The following SPATA31A6 variants were observed in gnomAD, a reference collection of about 807,000 sequenced individuals.
SPATA31A6 encodes the protein SPATA31 subfamily A member 6.
In SPATA31A6, 9 loss-of-function variants were observed where a neutral mutation model predicts 11.9. The ratio of observed to expected loss-of-function variants is 0.76; its 90% CI spans 0.46 to 1.32. SPATA31A6 has a LOEUF of 1.32. Ranked by LOEUF, SPATA31A6 falls within the 40% of genes most tolerant of loss-of-function variation. SPATA31A6 has a pLI of 0.00. For missense variants in SPATA31A6, 855 were observed against 1,467.3 expected (o/e 0.58, Z 6.82); for synonymous variants, 314 against 572.1 (o/e 0.55, Z 6.44).
In SPATA31A6 at chr9:42,183,808, C is replaced by G. The variant is rs2998523; in HGVS notation, c.121C>G (p.Leu41Val). Residue 41 changes from leucine (L) to valine (V), a missense_variant, in exon 1 of 4, where the codon CTA becomes GTA. Physicochemically the swap from Leu to Val is conservative, Grantham distance 32 (BLOSUM62 1). Transcript: ENST00000332857. ...GGTGTTTGCCCTGGGGTTCTTCTTC[C>G]TATTACTCCCCTACTTATCTTACTT... ...TLVFALGFFF[L>V]LLPYLSYFHC... The G allele has an allele frequency of 6.5e-7, 1 of 1,534,626 alleles. No individual in the cohort carries two copies. The highest frequency in any genetic ancestry group is 8.8e-7 in the Non-Finnish European group (1 of 1,138,122).
chr9:42,189,324 G>A lies in SPATA31A6; in HGVS notation c.3622G>A (p.Ala1208Thr). The A allele has an allele frequency of 6.5e-7, 1 of 1,545,824 alleles. No individual in the cohort carries two copies. Residue 1208 changes from alanine (A) to threonine (T), a missense_variant, in exon 4 of 4, where the codon GCA becomes ACA. Transcript: ENST00000332857. The stretch of plus-strand genomic sequence containing the variant: ...TGCTGAAGCTCAGGGTCTCATGACG[G>A]CAGTTGGACAAATGCTGGACAAGAA... ...SSAEAQGLMT[A>T]VGQMLDKKMS... is the part of the protein sequence containing the mutation.
At position 42,185,750 on chromosome 9, in the gene SPATA31A6, G is replaced by A; in HGVS notation, c.303G>A (p.Leu101=). The A allele has an allele frequency of 8.2e-7, 1 of 1,214,996 alleles. No homozygotes were observed. Among genetic ancestry groups the A allele is most frequent in the Non-Finnish European group, 1.1e-6 (1 of 885,466 alleles). 75.3% of individuals were successfully genotyped at this position (1,214,996 alleles called of 1,614,324 possible). A position where few individuals can be genotyped will look rare whatever the true frequency, so the allele number is the denominator to read the frequency against. Residue 101 remains leucine (L), a synonymous_variant, in exon 3 of 4, where the codon CTG becomes CTA. Coordinates refer to ENST00000332857, the MANE Select transcript of SPATA31A6 (RefSeq NM_001145196.1). ...LEETSDLLSQ[L]QSLLGPHLDK... ...AGACTTCGGACCTTCTTTCACAACT[G>A]CAGAGGTGAGGCACTTCCCCTTCCC...
rs1378500474 is a variant in SPATA31A6, at chr9:42,184,226, C to T, written c.189+350C>T. Among the ~76,000 whole-genome samples, 2 of 136,554 alleles carry T rather than the reference C, an allele frequency of 1.5e-5. 1 individual carries two copies. Among genetic ancestry groups the T allele is most frequent in the Non-Finnish European group, 3.1e-5 (2 of 64,106 alleles). 89.6% of individuals were successfully genotyped at this position (136,554 alleles called of 152,430 possible). On this transcript the variant is annotated intron_variant, in intron 1 of 3. Coordinates refer to ENST00000332857, the MANE Select transcript of SPATA31A6 (RefSeq NM_001145196.1). ...ATCAGCCCCTTTCTGGGGCAGGTGGCTCAGGGCCCAGCCTCCCCTGTGTGG... is the reference window on the plus strand; with the variant it reads ...ATCAGCCCCTTTCTGGGGCAGGTGGTTCAGGGCCCAGCCTCCCCTGTGTGG...
chr9:42,184,812 G>A (rs1829415064), intron 1 of SPATA31A6, among the ~76,000 whole-genome samples: 1 of 137,540 alleles, frequency 7.3e-6, no homozygotes, highest in Non-Finnish European at 1.5e-5. Flanking sequence ...ATAGGCGTGA[G>A]CCACCACGCC....
chr9:42,189,466 G>A lies in SPATA31A6; in HGVS notation c.3764G>A (p.Gly1255Asp), dbSNP rs1829531517. 3 of 1,550,996 alleles carry A rather than the reference G, an allele frequency of 1.9e-6. No individual in the cohort carries two copies. The highest frequency in any genetic ancestry group is 2.3e-5 in the South Asian group (2 of 87,956). The change falls in exon 4 of 4, where the codon GGC (glycine) becomes GAC (aspartate). Residue 1255 changes from glycine (G) to aspartate (D), a missense_variant. Gly to Asp is a moderately conservative substitution (Grantham distance 94). Coordinates refer to ENST00000332857, the MANE Select transcript of SPATA31A6 (RefSeq NM_001145196.1). The part of the protein sequence containing the change: ...NHRHLFYSEH[G>D]RILSYAASSQ... Reference sequence around the variant, plus strand: ...AGGCACCTCTTCTACTCAGAACATGGCAGAATACTGAGCTATGCAGCCAGC... The same window carrying A: ...AGGCACCTCTTCTACTCAGAACATGACAGAATACTGAGCTATGCAGCCAGC...
chr9:42,185,567 T>C (rs2118849532), intron 2 of SPATA31A6, 128 bp from the exon 3 acceptor site: 1 of 1,131,334 alleles, frequency 8.8e-7, no homozygotes, highest in Admixed American at 2.1e-5. Context: ...GTCATGTGGC[T>C]TTGGACACAG....
chr9:42,185,013 A>G, intron 1 of SPATA31A6, 56 bp from the exon 2 acceptor site: 2 of 1,524,464 alleles, frequency 1.3e-6, no homozygotes, highest in Non-Finnish European at 8.9e-7. Context: ...CTTGTCTCCC[A>G]TTGTCATCTT....
At position 42,186,656 on chromosome 9, in the gene SPATA31A6, T is replaced by C; in HGVS notation, c.954T>C (p.Phe318=). 4.6e-6 allele frequency: 7 copies of C among 1,531,606 alleles called. 1 individual carries two copies. The highest frequency in any genetic ancestry group is 6.2e-6 in the Non-Finnish European group (7 of 1,138,122). 94.9% of individuals were successfully genotyped at this position (1,531,606 alleles called of 1,614,324 possible). ...ETCQMEAGSL[F]LLSSDGQNVV... ...GTCAGATGGAAGCTGGTAGCCTGTTTTTGCTCAGCTCTGATGGCCAGAATG... is the reference window on the plus strand; with the variant it reads ...GTCAGATGGAAGCTGGTAGCCTGTTCTTGCTCAGCTCTGATGGCCAGAATG... The change falls in exon 4 of 4, where the codon TTT becomes TTC. Residue 318 remains phenylalanine, a synonymous_variant. Transcript: ENST00000332857.
At position 42,185,052 on chromosome 9, in the gene SPATA31A6, G is replaced by A. The variant is rs555229838; in HGVS notation, c.190-17G>A. ...TCTCCGCGTCATCTTGTCTCCGTAC[G>A]TCATCATGTCTCCCAGTGTCCAGTA... On this transcript the variant is annotated splice_polypyrimidine_tract_variant and intron_variant, in intron 1 of 3. Coordinates refer to ENST00000332857, the MANE Select transcript of SPATA31A6 (RefSeq NM_001145196.1). 63 of 1,536,820 alleles carry A rather than the reference G, an allele frequency of 4.1e-5. 12 individuals carry two copies. Among genetic ancestry groups the A allele is most frequent in the South Asian group, 5.9e-5 (5 of 85,460 alleles).
At chr9:42,184,693 C>G (rs1829413099) in intron 1 of SPATA31A6, among the ~76,000 whole-genome samples, 1 of 134,710 alleles carries the variant, frequency 7.4e-6, no homozygotes, top group African/African-American at 3.0e-5. Context: ...ACCATGCCTG[C>G]CTAATTTTTG....
chr9:42,185,949 C>T lies in SPATA31A6; in HGVS notation c.309-62C>T. 8 of 1,485,712 alleles carry T rather than the reference C, an allele frequency of 5.4e-6. 2 individuals are homozygous for T. The highest frequency in any genetic ancestry group is 7.2e-6 in the Non-Finnish European group (8 of 1,111,416). 92.0% of individuals were successfully genotyped at this position (1,485,712 alleles called of 1,614,324 possible). A position where few individuals can be genotyped will look rare whatever the true frequency, so the allele number is the denominator to read the frequency against. ...TGGTGGAGGGGCTGTGGCCCGAGCACCCACTCTGCCCTCCGGCCCCACCGG... is the reference window on the plus strand; with the variant it reads ...TGGTGGAGGGGCTGTGGCCCGAGCATCCACTCTGCCCTCCGGCCCCACCGG... On this transcript the variant is annotated intron_variant, in intron 3 of 3. Transcript: ENST00000332857.
rs369715638 is a variant in SPATA31A6, at chr9:42,184,787, C to T, written c.190-282C>T. Among the ~76,000 whole-genome samples the T allele has an allele frequency of 3.1e-3, 431 of 137,246 alleles. 48 individuals carry two copies. The South Asian group carries it at 0.04, about 13-fold the overall frequency. 90.0% of individuals were successfully genotyped at this position (137,246 alleles called of 152,430 possible). On this transcript the variant is annotated intron_variant, in intron 1 of 3. Transcript: ENST00000332857. ...AGGTGATCAACCCACCTTGGCCTCC[C>T]AAAGTGCTTGGATTATAGGCGTGAG...
chr9:42,185,039 C>T, intron 1 of SPATA31A6, 30 bp from the exon 2 acceptor site: 1 of 1,535,496 alleles, frequency 6.5e-7, no homozygotes, highest in Non-Finnish European at 8.8e-7. Context: ...TCCGCGTCAT[C>T]TTGTCTCCGT....
Position 42,189,598 on chromosome 9 carries a change from T to G in SPATA31A6, c.3896T>G (p.Leu1299Arg), listed in dbSNP as rs1302598714. 1.2e-5 allele frequency: 18 copies of G among 1,558,150 alleles called. 2 individuals carry two copies. The highest frequency in any genetic ancestry group is 4.1e-4 in the Middle Eastern group (2 of 4,870). The stretch of plus-strand genomic sequence containing the variant: ...CGGTGCAACAATGAGCAATGGGGCC[T>G]GCGACATCCCCAAATCTTGCACCCC... ...SVRCNNEQWG[L>R]RHPQILHPKK... Residue 1299 changes from leucine to arginine, a missense_variant, in exon 4 of 4, where the codon CTG (leucine) becomes CGG (arginine). Coordinates refer to ENST00000332857, the MANE Select transcript of SPATA31A6 (RefSeq NM_001145196.1).
At position 42,189,726 on chromosome 9, in the gene SPATA31A6, GGT is replaced by G; in HGVS notation, c.4025_4026del (p.Gly1342AspfsTer?). 6.9e-7 allele frequency: 1 copy of G among 1,447,458 alleles called. No individual in the cohort carries two copies. Among genetic ancestry groups the G allele is most frequent in the Non-Finnish European group, 9.2e-7 (1 of 1,092,218 alleles). The allele number at this position is 1,447,458 out of a possible 1,614,324, so 89.7% of individuals were successfully genotyped here. A position where few individuals can be genotyped will look rare whatever the true frequency, so the allele number is the denominator to read the frequency against. The stretch of plus-strand genomic sequence containing the variant: ...TCCAAGGCACTGTCTTCTTTGGGAA[GGT>G]ATCTGATTTGGTCAGTCACAAATTC... ...HCPRHCLLWE[G>X]I On this transcript the variant is annotated frameshift_variant, in exon 4 of 4. Transcript: ENST00000332857. LOFTEE classifies it high-confidence loss of function.
In SPATA31A6 at chr9:42,184,528, T is replaced by G. The variant is rs1475184514; in HGVS notation, c.190-541T>G. On this transcript the variant is annotated intron_variant, in intron 1 of 3. Transcript: ENST00000332857. The stretch of plus-strand genomic sequence containing the variant: ...GTTATTTTATTTTATTTTATTTTAT[T>G]TTATTTTATTTTATTTTTTGAGATG... Among the ~76,000 whole-genome samples, 2 of 127,890 alleles carry G rather than the reference T, an allele frequency of 1.6e-5. 1 individual carries two copies. The highest frequency in any genetic ancestry group is 3.2e-5 in the Non-Finnish European group (2 of 62,738). 83.9% of individuals were successfully genotyped at this position (127,890 alleles called of 152,430 possible).
At position 42,187,409 on chromosome 9, in the gene SPATA31A6, T is replaced by C; in HGVS notation, c.1707T>C (p.Thr569=). ...QKSQDVFSVS[T]PNLPQESLTS... is the part of the protein sequence containing the mutation. Reference sequence around the variant, plus strand: ...CTCAGGACGTCTTTAGTGTCTCCACTCCTAACCTTCCCCAGGAAAGTTTGA... The same window carrying C: ...CTCAGGACGTCTTTAGTGTCTCCACCCCTAACCTTCCCCAGGAAAGTTTGA... The change falls in exon 4 of 4, where the codon ACT becomes ACC. Residue 569 remains threonine, a synonymous_variant. Coordinates refer to ENST00000332857, the MANE Select transcript of SPATA31A6 (RefSeq NM_001145196.1). 6.5e-7 allele frequency: 1 copy of C among 1,528,482 alleles called. No individual in the cohort carries two copies. The highest frequency in any genetic ancestry group is 8.8e-7 in the Non-Finnish European group (1 of 1,134,592). 94.7% of individuals were successfully genotyped at this position (1,528,482 alleles called of 1,614,324 possible).
chr9:42,184,010 C>A lies in SPATA31A6; in HGVS notation c.189+134C>A. On this transcript the variant is annotated intron_variant, in intron 1 of 3. Coordinates refer to ENST00000332857, the MANE Select transcript of SPATA31A6 (RefSeq NM_001145196.1). ...AGAAGAGACCAGAACATCATCCTTCCAGGGAGAGGCAGGGCAGCCAGGGGT... is the reference window on the plus strand; with the variant it reads ...AGAAGAGACCAGAACATCATCCTTCAAGGGAGAGGCAGGGCAGCCAGGGGT... 4 of 1,390,586 alleles carry A rather than the reference C, an allele frequency of 2.9e-6. 1 individual carries two copies. The highest frequency in any genetic ancestry group is 3.8e-6 in the Non-Finnish European group (4 of 1,043,470). The allele number at this position is 1,390,586 out of a possible 1,614,324, so 86.1% of individuals were successfully genotyped here.
rs1372909672 is a variant in SPATA31A6, at chr9:42,184,362, G to A, written c.189+486G>A. ...CCTGATAGCTCAGCAGTGCCTGCGG[G>A]CCTGAACTTGGGTGTTCCTGGAGCA... is the stretch of plus-strand genomic sequence containing the variant. On this transcript the variant is annotated intron_variant, in intron 1 of 3. Transcript: ENST00000332857. 1.5e-5 allele frequency among the ~76,000 whole-genome samples: 2 copies of A among 130,740 alleles called. 1 individual carries two copies. The highest frequency in any genetic ancestry group is 6.3e-5 in the African/African-American group (2 of 31,896). 85.8% of individuals were successfully genotyped at this position (130,740 alleles called of 152,430 possible). A position where few individuals can be genotyped will look rare whatever the true frequency, so the allele number is the denominator to read the frequency against.
Sources: gnomAD v4.1 joint callset for allele counts (sites outside exome capture counted in the v4.1 genomes callset) on GRCh38, gnomAD v4.1.1 for gene constraint, MANE v1.5 for transcripts, NCBI Gene and HGNC (gene_info 2026-07-23, HGNC 2026-07-21) for gene names.